Variants in NRXN3 observed in about 807,000 individuals in gnomAD.
The protein encoded by NRXN3 is neurexin III.
Under a neutral mutation model 137.6 loss-of-function variants are expected in NRXN3, and 32 were observed. That is an observed-to-expected ratio of 0.23 (90% CI 0.18 to 0.31). NRXN3 has a LOEUF of 0.31. Among genes scored for constraint, NRXN3 ranks in the 10% least tolerant of loss-of-function variants. The probability of loss-of-function intolerance (pLI) is 1.00; values close to 1 mark genes in which losing one functional copy is unlikely to be tolerated. For missense variants in NRXN3, 1,574 were observed against 2,062.5 expected (o/e 0.76, Z 4.59); for synonymous variants, 798 against 784.5 (o/e 1.02, Z -0.29).
At chr14:79,485,158 G>A (rs73339499) in intron 16 of NRXN3, among the ~76,000 whole-genome samples, 3,224 of 151,952 alleles carry the variant, frequency 0.021, 148 homozygotes, top group East Asian at 0.16. Flanking sequence ...TCTCTGAAGG[G>A]GGCAGTCTTT....
intron 5 of NRXN3, among the ~76,000 whole-genome samples, chr14:78,646,351 C>T (rs2097687731): frequency 6.6e-6 from 1 of 152,160 alleles, no homozygotes; most frequent in African/African-American, 2.4e-5. Flanking sequence ...TCCAGGTTGC[C>T]ATTTTCACTT....
intron 15 of NRXN3, among the ~76,000 whole-genome samples, chr14:79,462,866 ATATG>A: frequency 6.6e-6 from 1 of 151,974 alleles, no homozygotes; most frequent in South Asian, 2.1e-4. Flanking sequence ...CAATGAATGT[ATATG>A]TATATGTACA....
At chr14:78,754,181 A>T (rs1372645448) in intron 8 of NRXN3, among the ~76,000 whole-genome samples, 1 of 151,974 alleles carries the variant, frequency 6.6e-6, no homozygotes, top group African/African-American at 2.4e-5. Context: ...CTAGGCTATG[A>T]CTCTACTCTG....
chr14:78,497,161 A>G (rs985937885), intron 4 of NRXN3, among the ~76,000 whole-genome samples: 3 of 152,136 alleles, frequency 2.0e-5, no homozygotes, highest in Admixed American at 6.6e-5. Flanking sequence ...TCCTGATTGC[A>G]CATTTTCATG....
At chr14:79,444,115 G>A (rs576240592) in intron 15 of NRXN3, among the ~76,000 whole-genome samples, 1 of 152,122 alleles carries the variant, frequency 6.6e-6, no homozygotes, top group Non-Finnish European at 1.5e-5. Context: ...AGTGGGACCT[G>A]AATCAATACA....
At chr14:79,725,725 C>T (rs2098882827) in intron 19 of NRXN3, among the ~76,000 whole-genome samples, 2 of 152,118 alleles carry the variant, frequency 1.3e-5, no homozygotes, top group African/African-American at 2.4e-5. Context: ...CTCATGTTCT[C>T]GCTAATGGTC....
At chr14:78,649,512 G>A (rs2097718827) in intron 5 of NRXN3, among the ~76,000 whole-genome samples, 1 of 144,830 alleles carries the variant, frequency 6.9e-6, no homozygotes, top group African/African-American at 2.5e-5. Flanking sequence ...GTTGAATTTT[G>A]TGGGGAAGGT....
chr14:78,623,903 C>T (rs77443156), intron 4 of NRXN3, among the ~76,000 whole-genome samples: 3,503 of 152,292 alleles, frequency 0.023, 112 homozygotes, highest in East Asian at 0.18. Flanking sequence ...GTCATTCTTT[C>T]ATAGTAGACA....
intron 15 of NRXN3, among the ~76,000 whole-genome samples, chr14:79,415,739 G>T (rs554948483): frequency 1.9e-4 from 29 of 152,016 alleles, no homozygotes; most frequent in Admixed American, 4.6e-4. Flanking sequence ...ATGTAGCATT[G>T]AGCCTATGTC....
At chr14:78,248,314 C>CCCCCCCCCCCCCCCCCCCCCA (rs71131639) in intron 2 of NRXN3, among the ~76,000 whole-genome samples, 1 of 47,552 alleles carries the variant, frequency 2.1e-5, no homozygotes, top group African/African-American at 8.0e-5. Flanking sequence ...CCCCCCCCCC[C>CCCCCCCCCCCCCCCCCCCCCA]CCACCCGCCA....
intron 4 of NRXN3, among the ~76,000 whole-genome samples, chr14:78,372,110 C>A (rs1441763311): frequency 1.3e-5 from 2 of 149,774 alleles, no homozygotes; most frequent in African/African-American, 4.9e-5. Flanking sequence ...TATTTTCTTT[C>A]TTTTTTTTTA....
At chr14:78,929,935 T>C (rs2099317011) in intron 10 of NRXN3, among the ~76,000 whole-genome samples, 3 of 152,292 alleles carry the variant, frequency 2.0e-5, no homozygotes, top group Non-Finnish European at 4.4e-5. Flanking sequence ...GAAGCTTAGC[T>C]GAAACAGTAC....
chr14:78,948,628 C>CTTTTTTTTTTTTTTTTTTTTTT (rs201010514), intron 10 of NRXN3, among the ~76,000 whole-genome samples: 9 of 108,602 alleles, frequency 8.3e-5, no homozygotes, highest in Non-Finnish European at 1.1e-4. Context: ...ACACATTTAA[C>CTTTTTTTTTTTTTTTTTTTTTT]TTTTTTTTTT....
At chr14:79,215,581 A>G (rs2068361932) in intron 15 of NRXN3, among the ~76,000 whole-genome samples, 1 of 152,154 alleles carries the variant, frequency 6.6e-6, no homozygotes, top group Non-Finnish European at 1.5e-5. Flanking sequence ...GAGCCAAGCA[A>G]AAGTGGTCTC....
intron 1 of NRXN3, among the ~76,000 whole-genome samples, chr14:78,227,273 A>G (rs147234531): frequency 6.2e-4 from 94 of 152,298 alleles, no homozygotes; most frequent in African/African-American, 2.2e-3. Flanking sequence ...CAATTGCATC[A>G]CTTACTGTTT....
rs74805633 is a variant in NRXN3, at chr14:79,263,647, T to C, written c.3263-203574T>C. On this transcript the variant is annotated intron_variant, in intron 15 of 20. Coordinates refer to ENST00000335750, the MANE Select transcript of NRXN3 (RefSeq NM_001330195.2). Reference sequence around the variant, plus strand: ...CTTAATGAAAGGTAATAAATAGTAATAAATGAAGTAATAAATGGTTCTTCA... The same window carrying C: ...CTTAATGAAAGGTAATAAATAGTAACAAATGAAGTAATAAATGGTTCTTCA... 7.6e-3 allele frequency among the ~76,000 whole-genome samples: 1,158 copies of C among 152,296 alleles called. 22 individuals carry two copies. The South Asian group carries it at 0.077, about 10-fold the overall frequency.
At chr14:79,745,345 C>A (rs74064009) in intron 19 of NRXN3, among the ~76,000 whole-genome samples, 1 of 152,110 alleles carries the variant, frequency 6.6e-6, no homozygotes, top group African/African-American at 2.4e-5. Context: ...TCTTCTTCTA[C>A]GTCATTTCCT....
intron 15 of NRXN3, among the ~76,000 whole-genome samples, chr14:79,088,559 G>C (rs918420953): frequency 6.6e-6 from 1 of 151,962 alleles, no homozygotes; most frequent in Admixed American, 6.6e-5. Context: ...CAAATTTCTT[G>C]GATTTTCCCT....
At chr14:78,944,782 T>A (rs1309960734) in intron 10 of NRXN3, among the ~76,000 whole-genome samples, 5 of 152,176 alleles carry the variant, frequency 3.3e-5, no homozygotes, top group Non-Finnish European at 5.9e-5. Flanking sequence ...TGAAAGCTAC[T>A]AAGTTTGTGA....
Sources: gnomAD v4.1 joint callset for allele counts (sites outside exome capture counted in the v4.1 genomes callset) on GRCh38, gnomAD v4.1.1 for gene constraint, MANE v1.5 for transcripts, NCBI Gene and HGNC (gene_info 2026-07-23, HGNC 2026-07-21) for gene names.